PIK3R1: variants seen among roughly 807,000 people sequenced by gnomAD.
The protein encoded by PIK3R1 is phosphatidylinositol 3-kinase regulatory subunit alpha.
Under a neutral mutation model 98.0 loss-of-function variants are expected in PIK3R1, and 29 were observed. The ratio of observed to expected loss-of-function variants is 0.30; its 90% CI spans 0.22 to 0.40. The LOEUF (loss-of-function observed/expected upper bound fraction) is 0.40. Ranked by LOEUF, PIK3R1 falls within the 10% of genes least tolerant of loss-of-function variation. The probability of loss-of-function intolerance (pLI) is 1.00; values close to 1 mark genes in which losing one functional copy is unlikely to be tolerated. For synonymous variants in PIK3R1, 282 were observed against 311.8 expected (o/e 0.90, Z 1.01); for missense variants, 596 against 872.7 (o/e 0.68, Z 3.99).
In PIK3R1 at chr5:68,293,795, ATATGATAGAT is replaced by A. The variant is rs780979891; in HGVS notation, c.1390_1399del (p.Asp464MetfsTer13). On this transcript the variant is annotated frameshift_variant, in exon 11 of 16. Transcript: ENST00000521381. LOFTEE classifies it high-confidence loss of function. Reference sequence around the variant, plus strand: ...CTCAGTTTCAAGAAAAAAGTCGAGAATATGATAGATTATATGAAGAATATACCCGCACATC... The same window carrying A: ...CTCAGTTTCAAGAAAAAAGTCGAGAATATATGAAGAATATACCCGCACATC... 1 of 1,583,806 alleles carries A rather than the reference ATATGATAGAT, an allele frequency of 6.3e-7. No homozygotes were observed.
intron 2 of PIK3R1, among the ~76,000 whole-genome samples, chr5:68,255,505 C>A (rs1745474559): frequency 6.6e-6 from 1 of 152,152 alleles, no homozygotes; most frequent in African/African-American, 2.4e-5. Flanking sequence ...TAATTTGAAG[C>A]CCTGCCCCCA....
rs761122171 is a variant in PIK3R1 at position 68,226,872 on chromosome 5, G to A, written c.197G>A (p.Arg66Lys). 23 of 1,613,978 alleles carry A rather than the reference G, an allele frequency of 1.4e-5. No individual in the cohort carries two copies. The highest frequency in any genetic ancestry group is 2.7e-5 in the African/African-American group (2 of 74,908). Residue 66 changes from arginine to lysine, a missense_variant, in exon 2 of 16, where the codon AGG becomes AAG. Arg to Lys is a conservative substitution (Grantham distance 26). This residue lies in a region of PIK3R1 where 352 missense variants were observed against 393.3 expected (regional missense o/e 0.90). Transcript: ENST00000521381. Reference protein sequence around the residue: ...LNGYNETTGERGDFPGTYVEY... With the variant: ...LNGYNETTGEKGDFPGTYVEY... ...GGCTATAATGAAACCACAGGGGAAA[G>A]GGGGGACTTTCCGGGAACTTACGTA... is the stretch of plus-strand genomic sequence containing the variant.
chr5:68,222,707 A>T (rs186594757), intron 1 of PIK3R1, among the ~76,000 whole-genome samples: 5 of 152,186 alleles, frequency 3.3e-5, no homozygotes, highest in Admixed American at 3.3e-4. Context: ...AAAGAGCCAC[A>T]TACACTATCA....
rs1747920484 is a variant in PIK3R1, at chr5:68,299,447, A to C, written c.*1846A>C. The stretch of plus-strand genomic sequence containing the variant: ...GTGCTTCACTACGGGGGGGAGAAGG[A>C]AACGTTAGCATCATGTTTCCCATTT... On this transcript the variant is annotated 3_prime_UTR_variant, in exon 16 of 16. Transcript: ENST00000521381. 4.3e-6 allele frequency: 1 copy of C among 233,350 alleles called. No individual in the cohort carries two copies. The highest frequency in any genetic ancestry group is 5.6e-5 in the Admixed American group (1 of 17,776). The allele number at this position is 233,350 out of a possible 1,614,324, so 14.5% of individuals were successfully genotyped here. A position where few individuals can be genotyped will look rare whatever the true frequency, so the allele number is the denominator to read the frequency against.
At chr5:68,258,457 T>C (rs1286018587) in intron 2 of PIK3R1, among the ~76,000 whole-genome samples, 1 of 152,216 alleles carries the variant, frequency 6.6e-6, no homozygotes, top group Admixed American at 6.5e-5. Flanking sequence ...TATTTCGACC[T>C]CTGCCCTCTT....
chr5:68,215,827 CG>C lies in PIK3R1; in HGVS notation c.-507del, dbSNP rs1743835770. 1.3e-5 allele frequency: 2 copies of C among 152,630 alleles called. No individual in the cohort carries two copies. The allele number at this position is 152,630 out of a possible 1,614,324, so 9.5% of individuals were successfully genotyped here. A position where few individuals can be genotyped will look rare whatever the true frequency, so the allele number is the denominator to read the frequency against. The stretch of plus-strand genomic sequence containing the variant: ...AGGGCGGCAGGCTAGCTGTCGGAGA[CG>C]GCAAGCACGGATCGGGCACGGCCGG... On this transcript the variant is annotated 5_prime_UTR_variant, in exon 1 of 16. Transcript: ENST00000521381.
Position 68,297,445 on chromosome 5 carries a change from C to T in PIK3R1, c.2019C>T (p.Asn673=), listed in dbSNP as rs1466349563. ...VDGEVKHCVI[N]KTATGYGFAE... Reference sequence around the variant, plus strand: ...GCGAAGTAAAGCATTGTGTCATAAACAAAACAGCAACTGGCTATGGCTTTG... The same window carrying T: ...GCGAAGTAAAGCATTGTGTCATAAATAAAACAGCAACTGGCTATGGCTTTG... The change falls in exon 16 of 16, where the codon AAC becomes AAT. Residue 673 remains asparagine (N), a synonymous_variant. Transcript: ENST00000521381. 1 of 1,614,080 alleles carries T rather than the reference C, an allele frequency of 6.2e-7. No homozygotes were observed. Among genetic ancestry groups the T allele is most frequent in the Non-Finnish European group, 8.5e-7 (1 of 1,179,978 alleles).
intron 4 of PIK3R1, among the ~76,000 whole-genome samples, chr5:68,276,568 T>C (rs1746578656): frequency 6.6e-6 from 1 of 152,190 alleles, no homozygotes; most frequent in Admixed American, 6.5e-5. Flanking sequence ...CTAAAGATTA[T>C]GTAGCTCTTC....
intron 1 of PIK3R1, among the ~76,000 whole-genome samples, chr5:68,220,501 C>T (rs1023618659): frequency 2.8e-4 from 43 of 152,292 alleles, no homozygotes; most frequent in African/African-American, 8.9e-4. Flanking sequence ...CGTGCCTAAG[C>T]GTTGCTGTCA....
intron 2 of PIK3R1, among the ~76,000 whole-genome samples, chr5:68,263,727 C>G (rs1746003833): frequency 6.6e-6 from 1 of 152,078 alleles, no homozygotes; most frequent in South Asian, 2.1e-4. Flanking sequence ...AAAATGAAGT[C>G]TGAATAAATA....
In PIK3R1 at chr5:68,262,595, GCATGTATACA is replaced by G. The variant is rs1226334289; in HGVS notation, c.335-10778_335-10769del. ...TACCTACATGTATACACATGTATCT[GCATGTATACA>G]CATGTATACACATGTAGATGCATGT... On this transcript the variant is annotated intron_variant, in intron 2 of 15. Transcript: ENST00000521381. Among the ~76,000 whole-genome samples the G allele has an allele frequency of 1.2e-3, 155 of 129,512 alleles. 9 individuals are homozygous for G. The highest frequency in any genetic ancestry group is 4.2e-3 in the African/African-American group (131 of 31,486). The allele number at this position is 129,512 out of a possible 152,430, so 85.0% of individuals were successfully genotyped here. A position where few individuals can be genotyped will look rare whatever the true frequency, so the allele number is the denominator to read the frequency against.
At chr5:68,233,130 G>T (rs1744544564) in intron 2 of PIK3R1, among the ~76,000 whole-genome samples, 1 of 152,184 alleles carries the variant, frequency 6.6e-6, no homozygotes, top group South Asian at 2.1e-4. Context: ...CATCTGCTAA[G>T]TAGCACCCAA....
intron 2 of PIK3R1, among the ~76,000 whole-genome samples, chr5:68,255,269 A>G (rs1745464023): frequency 6.6e-6 from 1 of 152,216 alleles, no homozygotes; most frequent in Non-Finnish European, 1.5e-5. Flanking sequence ...CCATGGATAT[A>G]AGAAATAACC....
At chr5:68,242,357 A>G (rs1316204971) in intron 2 of PIK3R1, among the ~76,000 whole-genome samples, 1 of 152,216 alleles carries the variant, frequency 6.6e-6, no homozygotes, top group African/African-American at 2.4e-5. Flanking sequence ...ACGGTGGTCA[A>G]ACTTCACACC....
At chr5:68,234,261 T>G (rs562063778) in intron 2 of PIK3R1, among the ~76,000 whole-genome samples, 2 of 152,276 alleles carry the variant, frequency 1.3e-5, no homozygotes, top group East Asian at 3.9e-4. Context: ...CTCTTCCCAA[T>G]CAGAAGAACT....
At chr5:68,262,575 A>ACATGTATACACATGTACCTG (rs1745826036) in intron 2 of PIK3R1, among the ~76,000 whole-genome samples, 2 of 140,838 alleles carry the variant, frequency 1.4e-5, no homozygotes, top group Admixed American at 1.4e-4. Flanking sequence ...ACATGTACCT[A>ACATGTATACACATGTACCTG]CATGTATACA....
chr5:68,277,753 G>A (rs1036592545), intron 4 of PIK3R1, among the ~76,000 whole-genome samples: 4 of 152,112 alleles, frequency 2.6e-5, no homozygotes, highest in Non-Finnish European at 5.9e-5. Context: ...GTCAATCACC[G>A]AGTTATATGA....
chr5:68,245,766 G>A (rs2112043556), intron 2 of PIK3R1, among the ~76,000 whole-genome samples: 1 of 152,298 alleles, frequency 6.6e-6, no homozygotes, highest in East Asian at 1.9e-4. Context: ...AAATTGTTTA[G>A]CCACAGAAAA....
chr5:68,231,563 T>C (rs1325700799), intron 2 of PIK3R1, among the ~76,000 whole-genome samples: 3 of 152,222 alleles, frequency 2.0e-5, no homozygotes, highest in Admixed American at 1.3e-4. Flanking sequence ...AAAGCAGGGC[T>C]GCAATAAATC....
Sources: gnomAD v4.1 joint callset for allele counts (sites outside exome capture counted in the v4.1 genomes callset) on GRCh38, gnomAD v4.1.1 for gene constraint, gnomAD v4.1.1 regional missense constraint, MANE v1.5 for transcripts, NCBI Gene and HGNC (gene_info 2026-07-23, HGNC 2026-07-21) for gene names.